Variants in STPG2 observed in about 807,000 individuals in gnomAD.
STPG2 encodes the protein sperm tail PG-rich repeat containing 2.
Under a neutral mutation model 54.2 loss-of-function variants are expected in STPG2, and 56 were observed. The observed-to-expected ratio is 1.03, with a 90% CI of 0.83 to 1.29. STPG2 has a LOEUF of 1.29. Among genes scored for constraint, STPG2 ranks in the 50% most tolerant of loss-of-function variants. The pLI is 0.00. For synonymous variants in STPG2, 200 were observed against 181.8 expected (o/e 1.10, Z -0.81); for missense variants, 596 against 544.9 (o/e 1.09, Z -0.93).
chr4:97,710,458 C>T (rs990717354), intron 10 of STPG2, among the ~76,000 whole-genome samples: 35 of 152,186 alleles, frequency 2.3e-4, no homozygotes, highest in African/African-American at 8.2e-4. Flanking sequence ...CAGCATTGGA[C>T]AGTTGGGGAT....
At chr4:97,733,857 C>A (rs1384337599) in intron 9 of STPG2, among the ~76,000 whole-genome samples, 1 of 152,192 alleles carries the variant, frequency 6.6e-6, no homozygotes, top group African/African-American at 2.4e-5. Flanking sequence ...ACGGTTTACT[C>A]GATATTTTGG....
At chr4:97,567,527 A>G (rs1041502616) in intron 10 of STPG2, among the ~76,000 whole-genome samples, 2 of 151,290 alleles carry the variant, frequency 1.3e-5, no homozygotes, top group South Asian at 2.1e-4. Flanking sequence ...TAGGCCAACA[A>G]TAAGAAAAGA....
At chr4:97,770,928 C>G (rs595656) in intron 9 of STPG2, among the ~76,000 whole-genome samples, 2 of 151,874 alleles carry the variant, frequency 1.3e-5, no homozygotes, top group African/African-American at 4.8e-5. Context: ...TTTGAGAGAC[C>G]TATTAACCAC....
chr4:97,523,195 C>G (rs1731215601), intron 4 of STPG2, among the ~76,000 whole-genome samples: 1 of 151,812 alleles, frequency 6.6e-6, no homozygotes, highest in Admixed American at 6.6e-5. Context: ...ATTTAGTGCA[C>G]TACACTATAA....
chr4:97,982,268 C>A (rs1734706620), intron 5 of STPG2, among the ~76,000 whole-genome samples: 1 of 151,836 alleles, frequency 6.6e-6, no homozygotes, highest in Non-Finnish European at 1.5e-5. Flanking sequence ...TGTGTATAAC[C>A]TTTACCCAGA....
chr4:97,921,451 GAGAT>G (rs1035620265), intron 8 of STPG2, among the ~76,000 whole-genome samples: 2 of 151,926 alleles, frequency 1.3e-5, no homozygotes, highest in African/African-American at 4.8e-5. Flanking sequence ...GTTCAATAAA[GAGAT>G]AGAAGCCATG....
chr4:97,589,751 A>G (rs1733090581), intron 10 of STPG2, among the ~76,000 whole-genome samples: 1 of 152,152 alleles, frequency 6.6e-6, no homozygotes, highest in African/African-American at 2.4e-5. Flanking sequence ...CTTCATTTAT[A>G]TTAAGTGCAC....
chr4:97,968,089 T>A lies in STPG2; in HGVS notation c.933+4191A>T, dbSNP rs535997623. Among the ~76,000 whole-genome samples the A allele has an allele frequency of 1.9e-3, 287 of 151,892 alleles. 1 individual carries two copies. Among genetic ancestry groups the A allele is most frequent in the Non-Finnish European group, 3.2e-3 (218 of 67,948 alleles). ...TCCAGGAGCTGGTTTTTTGAAAAGA[T>A]CAACAAAATTGAGACACCATTAGCA... On this transcript the variant is annotated intron_variant, in intron 7 of 10. Transcript: ENST00000295268.
At chr4:97,690,974 C>T (rs1307331269) in intron 10 of STPG2, among the ~76,000 whole-genome samples, 1 of 152,160 alleles carries the variant, frequency 6.6e-6, no homozygotes, top group Non-Finnish European at 1.5e-5. Flanking sequence ...GAAGATGAAA[C>T]ATTATTGCAC....
chr4:97,819,101 A>C (rs1275546023), intron 9 of STPG2, among the ~76,000 whole-genome samples: 1 of 151,708 alleles, frequency 6.6e-6, no homozygotes, highest in Non-Finnish European at 1.5e-5. Context: ...TATAGAATCC[A>C]CAAATCCCCA....
intron 5 of STPG2, among the ~76,000 whole-genome samples, chr4:98,020,747 GA>G (rs1736153954): frequency 6.6e-6 from 1 of 152,194 alleles, no homozygotes; most frequent in South Asian, 2.1e-4. Flanking sequence ...TTAGTCTTAG[GA>G]AGGTGTATGT....
chr4:97,872,443 A>T (rs961478461), intron 8 of STPG2, among the ~76,000 whole-genome samples: 1 of 151,238 alleles, frequency 6.6e-6, no homozygotes, highest in African/African-American at 2.4e-5. Flanking sequence ...AAATTAACAC[A>T]CAGAAACAAA....
intron 4 of STPG2, among the ~76,000 whole-genome samples, chr4:97,546,357 A>G (rs1731833241): frequency 6.6e-6 from 1 of 152,062 alleles, no homozygotes; most frequent in South Asian, 2.1e-4. Context: ...TATTACAGAT[A>G]AAGAGTATAT....
chr4:97,522,435 C>T (rs1560642814), intron 4 of STPG2, among the ~76,000 whole-genome samples: 1 of 151,982 alleles, frequency 6.6e-6, no homozygotes, highest in Non-Finnish European at 1.5e-5. Context: ...AGTTAAGACA[C>T]TTTTCCCAGT....
chr4:97,826,747 T>C (rs1467536041), intron 9 of STPG2, among the ~76,000 whole-genome samples: 1 of 152,258 alleles, frequency 6.6e-6, no homozygotes, highest in Non-Finnish European at 1.5e-5. Flanking sequence ...TGTATTTGTA[T>C]AAATATGTTA....
chr4:97,761,884 A>G (rs1420639137), intron 9 of STPG2, among the ~76,000 whole-genome samples: 1 of 151,868 alleles, frequency 6.6e-6, no homozygotes, highest in Non-Finnish European at 1.5e-5. Context: ...TTTTTTGCTG[A>G]TTTACTATTA....
chr4:98,080,588 T>C (rs1738314262), intron 5 of STPG2, among the ~76,000 whole-genome samples: 1 of 152,188 alleles, frequency 6.6e-6, no homozygotes, highest in African/African-American at 2.4e-5. Flanking sequence ...TATATACATG[T>C]ATGTGTAGCA....
intron 10 of STPG2, among the ~76,000 whole-genome samples, chr4:97,632,135 G>A (rs964699105): frequency 6.6e-6 from 1 of 151,842 alleles, no homozygotes; most frequent in Non-Finnish European, 1.5e-5. Context: ...CTTCAAAAAA[G>A]GTTAAAGTTA....
chr4:97,469,031 T>A (rs905951588), intron 4 of STPG2, among the ~76,000 whole-genome samples: 1 of 152,032 alleles, frequency 6.6e-6, no homozygotes. Flanking sequence ...AGTATGTTGG[T>A]CTATACAATT....
Sources: gnomAD v4.1 joint callset for allele counts (sites outside exome capture counted in the v4.1 genomes callset) on GRCh38, gnomAD v4.1.1 for gene constraint, MANE v1.5 for transcripts, NCBI Gene and HGNC (gene_info 2026-07-23, HGNC 2026-07-21) for gene names.